The following FRMD4B variants were observed in gnomAD, a reference collection of about 807,000 sequenced individuals.
FRMD4B encodes FERM domain containing 4B.
In FRMD4B, 74 loss-of-function variants were observed where a neutral mutation model predicts 141.5. That is an observed-to-expected ratio of 0.52 (90% CI 0.43 to 0.63). The LOEUF (loss-of-function observed/expected upper bound fraction) is 0.63. Among genes scored for constraint, FRMD4B ranks in the 30% least tolerant of loss-of-function variants. The pLI is 0.00. For missense variants in FRMD4B, 1,366 were observed against 1,253.4 expected, an observed-to-expected ratio of 1.09 and a Z score of -1.36; for synonymous variants, 506 against 467.9, an observed-to-expected ratio of 1.08 and a Z score of -1.05.
At chr3:69,174,015 T>G (rs1404357611) in intron 22 of FRMD4B, among the ~76,000 whole-genome samples, 5 of 152,036 alleles carry the variant, frequency 3.3e-5, no homozygotes, top group African/African-American at 9.7e-5. Flanking sequence ...TATGCACCTG[T>G]AATCTCAGCT....
intron 1 of FRMD4B, among the ~76,000 whole-genome samples, chr3:69,481,568 G>C (rs150492053): frequency 6.6e-6 from 1 of 152,248 alleles, no homozygotes; most frequent in Non-Finnish European, 1.5e-5. Context: ...GGAGGAAGCA[G>C]GTCTTGGAAA....
chr3:69,194,253 G>A (rs2092874908), intron 16 of FRMD4B, among the ~76,000 whole-genome samples: 1 of 152,194 alleles, frequency 6.6e-6, no homozygotes, highest in Admixed American at 6.5e-5. Context: ...ATTCCTGGTT[G>A]CATGACCCTG....
intron 5 of FRMD4B, among the ~76,000 whole-genome samples, chr3:69,268,084 C>G (rs1472367508): frequency 6.6e-6 from 1 of 151,940 alleles, no homozygotes; most frequent in Non-Finnish European, 1.5e-5. Context: ...ATTCTGAAGT[C>G]TTGAGTCTCT....
chr3:69,197,118 A>C, intron 12 of FRMD4B, 80 bp from the exon 13 acceptor site: 1 of 1,216,240 alleles, frequency 8.2e-7, no homozygotes, highest in East Asian at 2.4e-5. Context: ...GCAGCATTGT[A>C]ACAAAGCATG....
chr3:69,250,934 A>G (rs2093460760), intron 5 of FRMD4B, among the ~76,000 whole-genome samples: 1 of 152,144 alleles, frequency 6.6e-6, no homozygotes, highest in East Asian at 1.9e-4. Context: ...CCAAAAAAGA[A>G]AAAAGCTTTT....
chr3:69,325,180 T>C (rs1366988662), intron 1 of FRMD4B, among the ~76,000 whole-genome samples: 1 of 152,192 alleles, frequency 6.6e-6, no homozygotes, highest in Non-Finnish European at 1.5e-5. Context: ...CTTGGTCAAG[T>C]GGCTCCCAGT....
At chr3:69,199,009 G>A (rs72930239) in intron 11 of FRMD4B, 36,655 of 431,722 alleles carry the variant, frequency 0.085, 2,643 homozygotes, top group East Asian at 0.31. Context: ...GGTGGCTCAC[G>A]CCTGTAATCA....
chr3:69,496,308 G>T (rs1706385986), intron 1 of FRMD4B, among the ~76,000 whole-genome samples: 1 of 152,070 alleles, frequency 6.6e-6, no homozygotes, highest in South Asian at 2.1e-4. Context: ...TTTAGAGAAA[G>T]AGTCAATACT....
At chr3:69,274,420 G>T (rs981722083) in intron 5 of FRMD4B, among the ~76,000 whole-genome samples, 43 of 152,140 alleles carry the variant, frequency 2.8e-4, no homozygotes, top group African/African-American at 1.0e-3. Context: ...CAGGGGGCTG[G>T]CTAAGATGTT....
chr3:69,234,590 C>A (rs1432262241), intron 7 of FRMD4B, among the ~76,000 whole-genome samples: 3 of 152,154 alleles, frequency 2.0e-5, no homozygotes, highest in Non-Finnish European at 2.9e-5. Flanking sequence ...CTGGACTTAA[C>A]AACTAGAAAT....
chr3:69,368,179 G>T (rs1043337998), intron 1 of FRMD4B, among the ~76,000 whole-genome samples: 1 of 152,080 alleles, frequency 6.6e-6, no homozygotes, highest in South Asian at 2.1e-4. Context: ...ACAACATCAC[G>T]AGATATCATG....
chr3:69,292,404 G>T (rs1700902482), intron 4 of FRMD4B, among the ~76,000 whole-genome samples: 1 of 152,230 alleles, frequency 6.6e-6, no homozygotes, highest in South Asian at 2.1e-4. Context: ...CATACAGGTT[G>T]CTGGGTAGCT....
chr3:69,247,087 G>C (rs1214831899), intron 7 of FRMD4B, among the ~76,000 whole-genome samples: 2 of 152,024 alleles, frequency 1.3e-5, no homozygotes, highest in Admixed American at 1.3e-4. Context: ...AGACCAGATA[G>C]GATGATAGTA....
At chr3:69,258,140 A>T (rs1218862943) in intron 5 of FRMD4B, among the ~76,000 whole-genome samples, 1 of 151,714 alleles carries the variant, frequency 6.6e-6, no homozygotes, top group African/African-American at 2.4e-5. Flanking sequence ...TAATTATTGT[A>T]TTTTTTATAG....
intron 1 of FRMD4B, among the ~76,000 whole-genome samples, chr3:69,483,682 A>G (rs1706167849): frequency 6.6e-6 from 1 of 152,198 alleles, no homozygotes; most frequent in African/African-American, 2.4e-5. Flanking sequence ...TGGTGGAAAA[A>G]TTGTTACGGA....
intron 1 of FRMD4B, among the ~76,000 whole-genome samples, chr3:69,437,384 T>G (rs142164726): frequency 4.0e-5 from 6 of 151,090 alleles, no homozygotes; most frequent in Non-Finnish European, 8.8e-5. Context: ...TTGTAATTTT[T>G]AAATTGATAA....
Position 69,386,071 on chromosome 3 carries a change from C to A in FRMD4B, c.-82G>T. 1 of 1,252,748 alleles carries A rather than the reference C, an allele frequency of 8.0e-7. No homozygotes were observed. Among genetic ancestry groups the A allele is most frequent in the Non-Finnish European group, 1.1e-6 (1 of 947,142 alleles). 77.6% of individuals were successfully genotyped at this position (1,252,748 alleles called of 1,614,324 possible). Reference sequence around the variant, plus strand: ...CCCAGCGGCCTGCCCGCCTGGGCTCCCGACGCCGGCTTCTGCTGGCAGCCG... The same window carrying A: ...CCCAGCGGCCTGCCCGCCTGGGCTCACGACGCCGGCTTCTGCTGGCAGCCG... On this transcript the variant is annotated 5_prime_UTR_variant, in exon 1 of 23. Coordinates refer to ENST00000398540, the MANE Select transcript of FRMD4B (RefSeq NM_015123.3).
chr3:69,376,104 T>C (rs1703964572), intron 1 of FRMD4B, among the ~76,000 whole-genome samples: 1 of 152,150 alleles, frequency 6.6e-6, no homozygotes, highest in South Asian at 2.1e-4. Context: ...AAGAATTATA[T>C]ATATTGTTTA....
intron 7 of FRMD4B, chr3:69,228,650 C>A: frequency 2.9e-6 from 1 of 345,780 alleles, no homozygotes; most frequent in Non-Finnish European, 5.7e-6. Flanking sequence ...ACCTGGGCAA[C>A]ACAGTGAGAC....
Sources: allele counts gnomAD v4.1 joint callset (sites outside exome capture counted in the v4.1 genomes callset), GRCh38; gene constraint gnomAD v4.1.1; transcripts MANE v1.5; gene names NCBI Gene and HGNC (gene_info 2026-07-23, HGNC 2026-07-21).